NCKAP5L: variants seen among roughly 807,000 people sequenced by gnomAD.
NCKAP5L encodes the protein nck-associated protein 5-like.
NCKAP5L carries 54 observed loss-of-function variants against 103.2 expected under a neutral mutation model. The ratio of observed to expected loss-of-function variants is 0.52; its 90% CI spans 0.42 to 0.66. The LOEUF (loss-of-function observed/expected upper bound fraction) is 0.66. Among genes scored for constraint, NCKAP5L ranks in the 30% least tolerant of loss-of-function variants. The pLI, the probability that NCKAP5L is intolerant of heterozygous loss-of-function variation, is 0.00. For synonymous variants in NCKAP5L, 762 were observed against 748.6 expected (o/e 1.02, Z -0.29); for missense variants, 1,733 against 1,750.6 (o/e 0.99, Z 0.18).
rs936643833 is a variant in NCKAP5L at position 49,795,814 on chromosome 12, C to G, written c.2046G>C (p.Glu682Asp). 6.4e-7 allele frequency: 1 copy of G among 1,570,658 alleles called. No homozygotes were observed. Among genetic ancestry groups the G allele is most frequent in the African/African-American group, 1.4e-5 (1 of 73,530 alleles). Residue 682 changes from glutamate to aspartate, a missense_variant, in exon 8 of 13, where the codon GAG (glutamate) becomes GAC (aspartate). Glu to Asp is a conservative substitution (Grantham distance 45). Coordinates refer to ENST00000335999, the MANE Select transcript of NCKAP5L (RefSeq NM_001037806.4). Reference protein sequence around the residue: ...KTGPEGALGSEKNGVPARPGT... With the variant: ...KTGPEGALGSDKNGVPARPGT... ...CAGGCCTGGCTGGCACCCCATTCTT[C>G]TCTGAGCCCAGGGCCCCCTCGGGGC...
chr12:49,821,040 G>A (rs1272037064), intron 1 of NCKAP5L, among the ~76,000 whole-genome samples: 2 of 152,062 alleles, frequency 1.3e-5, no homozygotes, highest in African/African-American at 2.4e-5. Context: ...TCCCTTGTGC[G>A]GGGTAAGGGT....
chr12:49,804,045 C>T lies in NCKAP5L; in HGVS notation c.-1G>A. On this transcript the variant is annotated 5_prime_UTR_variant, in exon 3 of 13. Transcript: ENST00000335999. ...CTGGCTGGTCCATGGCCTCTGACAT[C>T]TGGCCCTGGGAACAAGGAAGAGAAG... 1 of 1,609,926 alleles carries T rather than the reference C, an allele frequency of 6.2e-7. No homozygotes were observed. The highest frequency in any genetic ancestry group is 1.3e-5 in the African/African-American group (1 of 75,054).
intron 9 of NCKAP5L, 36 bp from the exon 10 acceptor site, chr12:49,793,469 T>C: frequency 6.3e-7 from 1 of 1,593,240 alleles, no homozygotes; most frequent in Non-Finnish European, 8.6e-7. Context: ...AGTCCACTCC[T>C]CCCCCCTCCA....
intron 1 of NCKAP5L, among the ~76,000 whole-genome samples, chr12:49,808,728 G>A (rs950306259): frequency 7.9e-5 from 12 of 152,200 alleles, no homozygotes; most frequent in Non-Finnish European, 1.6e-4. Context: ...TCCTCCCTCA[G>A]GACCCACAGC....
intron 1 of NCKAP5L, among the ~76,000 whole-genome samples, chr12:49,828,082 G>C (rs1015451872): frequency 7.2e-5 from 11 of 152,098 alleles, no homozygotes; most frequent in African/African-American, 2.7e-4. Context: ...ATGGCGCGGG[G>C]GGCGGGAGGG....
In NCKAP5L at chr12:49,794,802, G is replaced by A; in HGVS notation, c.3058C>T (p.Gln1020Ter). The A allele has an allele frequency of 6.5e-7, 1 of 1,543,770 alleles. No individual in the cohort carries two copies. Among genetic ancestry groups the A allele is most frequent in the Non-Finnish European group, 8.7e-7 (1 of 1,144,550 alleles). Residue 1020 changes from glutamine to a stop codon, truncating the protein, a stop_gained, in exon 8 of 13, where the codon CAA becomes TAA. Coordinates refer to ENST00000335999, the MANE Select transcript of NCKAP5L (RefSeq NM_001037806.4). LOFTEE classifies it high-confidence loss of function. ...QVQGQLAGMY[Q>*]GADTFMQQLL... ...TGCTGCATGAAGGTGTCTGCACCTTGGTACATGCCAGCCAGCTGGCCCTGC... is the reference window on the plus strand; with the variant it reads ...TGCTGCATGAAGGTGTCTGCACCTTAGTACATGCCAGCCAGCTGGCCCTGC...
Position 49,795,776 on chromosome 12 carries a change from G to A in NCKAP5L, c.2084C>T (p.Thr695Ile), listed in dbSNP as rs1269581002. The change falls in exon 8 of 13, where the codon ACC (threonine) becomes ATC (isoleucine). Residue 695 changes from threonine (T) to isoleucine (I), a missense_variant. By Grantham distance (89) the Thr-to-Ile change is moderately conservative. Coordinates refer to ENST00000335999, the MANE Select transcript of NCKAP5L (RefSeq NM_001037806.4). Reference sequence around the variant, plus strand: ...CTCCCCTGACTTCCCAGGTCCCCGGGTCTTTTCGGTGCCAGGCCTGGCTGG... The same window carrying A: ...CTCCCCTGACTTCCCAGGTCCCCGGATCTTTTCGGTGCCAGGCCTGGCTGG... Reference protein sequence around the residue: ...GVPARPGTEKTRGPGKSGESA... With the variant: ...GVPARPGTEKIRGPGKSGESA... 12 of 1,586,348 alleles carry A rather than the reference G, an allele frequency of 7.6e-6. No homozygotes were observed. In the Admixed American group the frequency reaches 2.0e-4, roughly 26 times the overall value.
intron 1 of NCKAP5L, among the ~76,000 whole-genome samples, 163 bp downstream of exon 1, chr12:49,828,159 G>C (rs1223884754): frequency 6.6e-6 from 1 of 151,086 alleles, no homozygotes. Context: ...GGGAGGGACG[G>C]AGGGGCGGGC....
rs368512483 is a variant in NCKAP5L at position 49,796,378 on chromosome 12, G to A, written c.1482C>T (p.Asp494=). ...SRIPCRNSGS[D]GSPSPLLARR... is the part of the protein sequence containing the mutation. The stretch of plus-strand genomic sequence containing the variant: ...GGGCCAACAGTGGGGAGGGGCTGCC[G>A]TCTGAGCCACTGTTCCGACAGGGGA... The change falls in exon 8 of 13, where the codon GAC becomes GAT. Residue 494 remains aspartate (D), a synonymous_variant. Coordinates refer to ENST00000335999, the MANE Select transcript of NCKAP5L (RefSeq NM_001037806.4). 545 of 1,579,186 alleles carry A rather than the reference G, an allele frequency of 3.5e-4. 4 individuals carry two copies. The African/African-American group carries it at 6.2e-3, about 18-fold the overall frequency.
chr12:49,823,090 C>T (rs1170255178), intron 1 of NCKAP5L, among the ~76,000 whole-genome samples: 1 of 152,082 alleles, frequency 6.6e-6, no homozygotes, highest in Non-Finnish European at 1.5e-5. Flanking sequence ...CCTGGGTTAG[C>T]AGAGAGGCCC....
In NCKAP5L at chr12:49,792,476, T is replaced by G; in HGVS notation, c.3762A>C (p.Arg1254=). 2 of 1,613,388 alleles carry G rather than the reference T, an allele frequency of 1.2e-6. No homozygotes were observed. The highest frequency in any genetic ancestry group is 1.7e-6 in the Non-Finnish European group (2 of 1,179,572). The change falls in exon 12 of 13, where the codon CGA becomes CGC. Residue 1254 remains arginine (R), a synonymous_variant. Coordinates refer to ENST00000335999, the MANE Select transcript of NCKAP5L (RefSeq NM_001037806.4). This position sits in a 1 kb window ranked among gnomAD's most constrained non-coding sequence, Gnocchi z 4.5. ...GGGTCCTGGGCAGCCCCTCCAGTTG[T>G]CGGGGTGGGCACATGAGAGGGTCCG... ...SSSDPLMCPP[R]QLEGLPRTPM... is the part of the protein sequence containing the mutation.
Position 49,795,693 on chromosome 12 carries a change from C to A in NCKAP5L, c.2167G>T (p.Gly723Trp), listed in dbSNP as rs140079532. 3.2e-5 allele frequency: 52 copies of A among 1,612,356 alleles called. No homozygotes were observed. The highest frequency in any genetic ancestry group is 1.8e-4 in the East Asian group (8 of 44,758). Reference protein sequence around the residue: ...HRPLEQLEAKGGIRGAVALGT... With the variant: ...HRPLEQLEAKWGIRGAVALGT... ...AAGGCCACTGCCCCCCGTATCCCCC[C>A]CTTGGCTTCTAGCTGCTCCAGTGGC... The change falls in exon 8 of 13, where the codon GGG becomes TGG. Residue 723 changes from glycine to tryptophan, a missense_variant. Coordinates refer to ENST00000335999, the MANE Select transcript of NCKAP5L (RefSeq NM_001037806.4).
chr12:49,807,246 CGTGT>C (rs67299530), intron 1 of NCKAP5L, among the ~76,000 whole-genome samples: 232 of 149,234 alleles, frequency 1.6e-3, no homozygotes, highest in Middle Eastern at 3.5e-3. Context: ...AATGCTTCTT[CGTGT>C]GTGTGTGTGT....
Position 49,792,434 on chromosome 12 carries a change from T to C in NCKAP5L, c.3792+12A>G, listed in dbSNP as rs1319065067. The C allele has an allele frequency of 6.2e-7, 1 of 1,613,320 alleles. No individual in the cohort carries two copies. The highest frequency in any genetic ancestry group is 1.1e-5 in the South Asian group (1 of 90,918). ...CCCGAGTCCTTTCCCTTTCCTCTGC[T>C]GCAATTCTCACCATGGGGGTCCTGG... On this transcript the variant is annotated intron_variant, in intron 12 of 12. Coordinates refer to ENST00000335999, the MANE Select transcript of NCKAP5L (RefSeq NM_001037806.4). This position sits in a 1 kb window ranked among gnomAD's most constrained non-coding sequence, Gnocchi z 4.5.
intron 6 of NCKAP5L, among the ~76,000 whole-genome samples, chr12:49,801,518 C>T (rs776028128): frequency 3.9e-5 from 6 of 152,290 alleles, no homozygotes; most frequent in Admixed American, 2.6e-4. Flanking sequence ...CCCCTGTGCC[C>T]GGCCAAGAAG....
chr12:49,809,673 A>G (rs1195059963), intron 1 of NCKAP5L, among the ~76,000 whole-genome samples: 1 of 151,768 alleles, frequency 6.6e-6, no homozygotes, highest in Non-Finnish European at 1.5e-5. Flanking sequence ...CACAGCAAAC[A>G]CCCTTTCCAG....
At chr12:49,800,547 T>C (rs1382905955) in intron 6 of NCKAP5L, among the ~76,000 whole-genome samples, 1 of 152,238 alleles carries the variant, frequency 6.6e-6, no homozygotes. Flanking sequence ...TGACTGACTA[T>C]CTACTGTGGG....
chr12:49,804,004 T>C lies in NCKAP5L; in HGVS notation c.41A>G (p.Asn14Ser), dbSNP rs764190470. 3.1e-6 allele frequency: 5 copies of C among 1,612,298 alleles called. No homozygotes were observed. In the East Asian group the frequency reaches 1.1e-4, roughly 36 times the overall value. ...ATCATCACCCTCTCCTGGCCTTGGG[T>C]TTCCAGGACCCCCAGCTGGCTGGTC... is the stretch of plus-strand genomic sequence containing the variant. ...AMDQPAGGPG[N>S]PRPGEGDDGS... The change falls in exon 3 of 13, where the codon AAC becomes AGC. Residue 14 changes from asparagine (N) to serine (S), a missense_variant. Coordinates refer to ENST00000335999, the MANE Select transcript of NCKAP5L (RefSeq NM_001037806.4).
chr12:49,822,292 G>T (rs1946369106), intron 1 of NCKAP5L, among the ~76,000 whole-genome samples: 1 of 152,258 alleles, frequency 6.6e-6, no homozygotes, highest in South Asian at 2.1e-4. Flanking sequence ...ATGGTATGTT[G>T]TTATAGCAGT....
Sources: allele counts gnomAD v4.1 joint callset (sites outside exome capture counted in the v4.1 genomes callset), GRCh38; gene constraint gnomAD v4.1.1; non-coding constraint Gnocchi (gnomAD v3.1); transcripts MANE v1.5; gene names NCBI Gene and HGNC (gene_info 2026-07-23, HGNC 2026-07-21).